Variants in DOT1L observed in about 807,000 individuals in gnomAD.
The protein encoded by DOT1L is DOT1 like histone lysine methyltransferase, also known as histone-lysine N-methyltransferase, H3 lysine-79 specific.
Under a neutral mutation model 153.3 loss-of-function variants are expected in DOT1L, and 33 were observed. The ratio of observed to expected loss-of-function variants is 0.22; its 90% CI spans 0.16 to 0.29. The LOEUF is 0.29. Among genes scored for constraint, DOT1L ranks in the 10% least tolerant of loss-of-function variants. DOT1L has a pLI of 1.00. For synonymous variants in DOT1L, 1,135 were observed against 965.1 expected (o/e 1.18, Z -3.26); for missense variants, 1,847 against 2,119.9 (o/e 0.87, Z 2.53).
chr19:2,226,364 G>T lies in DOT1L; in HGVS notation c.3843G>T (p.Glu1281Asp), dbSNP rs372718659. Residue 1281 changes from glutamate to aspartate, a missense_variant, in exon 27 of 28, where the codon GAG (glutamate) becomes GAT (aspartate). Around this residue, in one of 8 missense-constraint regions of DOT1L, gnomAD observed 934 missense variants for 825.3 expected, o/e 1.13. Transcript: ENST00000398665. ...TCACGTTCCGGCCCGCCCTGGAGGA[G>T]CCCTCTGCCGATGCCAAGCTGGCCG... is the stretch of plus-strand genomic sequence containing the variant. ...SLFTFRPALEEPSADAKLAAH... is the reference protein window; with the variant it reads ...SLFTFRPALEDPSADAKLAAH... 1.3e-6 allele frequency: 2 copies of T among 1,592,858 alleles called. No homozygotes were observed. Among genetic ancestry groups the T allele is most frequent in the East Asian group, 2.3e-5 (1 of 44,404 alleles).
chr19:2,196,003 C>A (rs1025230176), intron 7 of DOT1L, among the ~76,000 whole-genome samples: 1 of 152,242 alleles, frequency 6.6e-6, no homozygotes, highest in South Asian at 2.1e-4. Context: ...GTGTGCCCGC[C>A]CGTCTGCCTG....
At chr19:2,178,602 A>G (rs879352656) in intron 1 of DOT1L, among the ~76,000 whole-genome samples, 30 of 151,928 alleles carry the variant, frequency 2.0e-4, no homozygotes, top group Non-Finnish European at 3.8e-4. Context: ...ATTTTTTAGT[A>G]GAGATGGGGT....
rs369354483 is a variant in DOT1L at position 2,227,142 on chromosome 19, C to T, written c.4606+15C>T. The T allele has an allele frequency of 2.1e-4, 328 of 1,553,976 alleles. 5 individuals carry two copies. The East Asian group carries it at 3.7e-3, about 17-fold the overall frequency. On this transcript the variant is annotated intron_variant, in intron 27 of 27. Coordinates refer to ENST00000398665, the MANE Select transcript of DOT1L (RefSeq NM_032482.3). ...CACAGTTGGAGGTAGGCAGGGCGGC[C>T]GTCCGTCCGCCCCCCGCCCCGGCCC...
chr19:2,227,981 C>T, intron 27 of DOT1L: 1 of 1,272,562 alleles, frequency 7.9e-7, no homozygotes, highest in Non-Finnish European at 1.0e-6. Context: ...GGCCGCCCGT[C>T]CTCCACGCCC....
intron 22 of DOT1L, 112 bp from the exon 23 acceptor site, chr19:2,219,996 C>T (rs1197058953): frequency 3.2e-6 from 3 of 951,404 alleles, no homozygotes; most frequent in Non-Finnish European, 4.6e-6. Context: ...GGACGGTGAC[C>T]CCGGCGGCCT....
rs1243632562 is a variant in DOT1L at position 2,213,837 on chromosome 19, C to T, written c.1660-12C>T. On this transcript the variant is annotated splice_polypyrimidine_tract_variant and intron_variant, in intron 17 of 27. Coordinates refer to ENST00000398665, the MANE Select transcript of DOT1L (RefSeq NM_032482.3). ...CCACCAGCATGACCTCTCCCCCGCCCCATGTCCCCAGCTGGGTGTGAAGGC... is the reference window on the plus strand; with the variant it reads ...CCACCAGCATGACCTCTCCCCCGCCTCATGTCCCCAGCTGGGTGTGAAGGC... The T allele has an allele frequency of 1.9e-6, 3 of 1,612,890 alleles. No homozygotes were observed.
intron 9 of DOT1L, 75 bp from the exon 10 acceptor site, chr19:2,206,654 C>A: frequency 6.8e-7 from 1 of 1,459,858 alleles, no homozygotes; most frequent in Non-Finnish European, 9.6e-7. Context: ...ATTGTTCCTT[C>A]TCTGTCACCT....
intron 2 of DOT1L, 76 bp from the exon 3 acceptor site, chr19:2,185,779 C>T (rs1024896227): frequency 1.9e-6 from 3 of 1,543,102 alleles, no homozygotes; most frequent in African/African-American, 2.7e-5. Context: ...AAAACAAAAA[C>T]AAAAACAAAA....
chr19:2,169,973 A>G (rs57256605), intron 1 of DOT1L, among the ~76,000 whole-genome samples: 12,232 of 152,274 alleles, frequency 0.08, 751 homozygotes, highest in African/African-American at 0.16. Context: ...CTTGGCCAAC[A>G]TGACGAAACC....
chr19:2,219,319 CT>C (rs1183013104), intron 22 of DOT1L, among the ~76,000 whole-genome samples: 1 of 152,102 alleles, frequency 6.6e-6, no homozygotes, highest in African/African-American at 2.4e-5. Context: ...GTTTTTTGTA[CT>C]TTTATACACC....
At chr19:2,179,486 T>TA (rs923629892) in intron 1 of DOT1L, among the ~76,000 whole-genome samples, 22 of 151,786 alleles carry the variant, frequency 1.4e-4, no homozygotes, top group African/African-American at 4.6e-4. Context: ...ATTGGGGATT[T>TA]AAAAAAAAAT....
Position 2,214,511 on chromosome 19 carries a change from C to T in DOT1L, c.1838C>T (p.Thr613Met), listed in dbSNP as rs756254147. 5.0e-6 allele frequency: 8 copies of T among 1,613,012 alleles called. No homozygotes were observed. Among genetic ancestry groups the T allele is most frequent in the East Asian group, 2.2e-5 (1 of 44,894 alleles). The stretch of plus-strand genomic sequence containing the variant: ...GAGGAGCTGCAGCTGGACTGGGCCA[C>T]GCTGTCGCTGGAGAAGCTGTTGAAG... ...RCEELQLDWA[T>M]LSLEKLLKEK... The change falls in exon 19 of 28, where the codon ACG becomes ATG. Residue 613 changes from threonine to methionine, a missense_variant. Physicochemically the swap from Thr to Met is moderately conservative, Grantham distance 81 (BLOSUM62 -1). Coordinates refer to ENST00000398665, the MANE Select transcript of DOT1L (RefSeq NM_032482.3).
rs375109653 is a variant in DOT1L, at chr19:2,216,422, C to A, written c.2065C>A (p.Arg689=). The change falls in exon 20 of 28, where the codon CGG becomes AGG. Residue 689 remains arginine, a synonymous_variant. Transcript: ENST00000398665. The part of the protein sequence containing the change: ...LGRELEPDAS[R]LHLELDCTKF... ...CCGCGAGCTGGAGCCTGACGCCAGC[C>A]GGCTGCACCTGGAGCTGGACTGCAC... 3.0e-5 allele frequency: 48 copies of A among 1,612,406 alleles called. No homozygotes were observed. The highest frequency in any genetic ancestry group is 9.3e-6 in the Non-Finnish European group (11 of 1,179,910).
In DOT1L at chr19:2,216,892, C is replaced by T. The variant is rs2023926306; in HGVS notation, c.2409-63C>T. 1.9e-6 allele frequency: 3 copies of T among 1,568,362 alleles called. No individual in the cohort carries two copies. The Admixed American group carries it at 5.2e-5, about 27-fold the overall frequency. On this transcript the variant is annotated intron_variant, in intron 20 of 27. Transcript: ENST00000398665. ...AGACTGAGGTGGGGAGGTGCTGGGC[C>T]AGGCCGCTGCCTCTGAGTGCCAGCC...
chr19:2,169,205 G>T (rs2020037442), intron 1 of DOT1L, among the ~76,000 whole-genome samples: 1 of 152,166 alleles, frequency 6.6e-6, no homozygotes, highest in Non-Finnish European at 1.5e-5. Context: ...CCGGGGCGGG[G>T]TGAGCTGTCC....
rs937244639 is a variant in DOT1L at position 2,168,384 on chromosome 19, T to A, written c.81+4119T>A. The stretch of plus-strand genomic sequence containing the variant: ...ATACTGTGCTGAGTACAAGGTCAGC[T>A]GAGGTCCCCAGGGAGGGGCTGCCAC... On this transcript the variant is annotated intron_variant, in intron 1 of 27. Transcript: ENST00000398665. Among the ~76,000 whole-genome samples, 3 of 152,302 alleles carry A rather than the reference T, an allele frequency of 2.0e-5. No individual in the cohort carries two copies. In the East Asian group the frequency reaches 5.8e-4, roughly 29 times the overall value.
In DOT1L at chr19:2,222,294, A is replaced by G. The variant is rs749350768; in HGVS notation, c.3125A>G (p.Lys1042Arg). 6.2e-7 allele frequency: 1 copy of G among 1,613,086 alleles called. No homozygotes were observed. The highest frequency in any genetic ancestry group is 1.1e-5 in the South Asian group (1 of 91,086). ...TTCTCAGATCCTGAGAGTGAAGCCA[A>G]GAGGAGGATTGTGTTCACCATCACC... ...SGFSDPESEA[K>R]RRIVFTITTG... The change falls in exon 24 of 28, where the codon AAG becomes AGG. Residue 1042 changes from lysine to arginine, a missense_variant. By Grantham distance (26) the Lys-to-Arg change is conservative. Transcript: ENST00000398665. The surrounding 1 kb of genome is among the most constrained non-coding windows in gnomAD (Gnocchi z 6.5).
At chr19:2,227,290 G>T in intron 27 of DOT1L, 163 bp downstream of exon 27, 1 of 907,422 alleles carries the variant, frequency 1.1e-6, no homozygotes. Context: ...CTCCAGTCCT[G>T]TGGGGAGAGG....
intron 3 of DOT1L, among the ~76,000 whole-genome samples, chr19:2,188,474 G>GC (rs1171985069): frequency 8.6e-6 from 1 of 116,524 alleles, no homozygotes; most frequent in East Asian, 2.6e-4. Context: ...AGAGTCCCCA[G>GC]CCGCCGCCCC....
Sources: allele counts gnomAD v4.1 joint callset (sites outside exome capture counted in the v4.1 genomes callset), GRCh38; gene constraint gnomAD v4.1.1; regional missense constraint gnomAD v4.1.1; non-coding constraint Gnocchi (gnomAD v3.1); transcripts MANE v1.5; gene names NCBI Gene and HGNC (gene_info 2026-07-23, HGNC 2026-07-21).